Variants in ADRA1B observed in about 807,000 individuals in gnomAD.
The protein encoded by ADRA1B is adrenoceptor alpha 1B.
In ADRA1B, 17 loss-of-function variants were observed where a neutral mutation model predicts 17.9. The observed-to-expected ratio is 0.95, with a 90% CI of 0.65 to 1.42. ADRA1B has a LOEUF of 1.42. ADRA1B is among the 40% of genes most tolerant of loss of function. The pLI, the probability that ADRA1B is intolerant of heterozygous loss-of-function variation, is 0.00. For synonymous variants in ADRA1B, 366 were observed against 327.6 expected, an observed-to-expected ratio of 1.12 and a Z score of -1.27; for missense variants, 681 against 722.1, an observed-to-expected ratio of 0.94 and a Z score of 0.65.
intron 1 of ADRA1B, among the ~76,000 whole-genome samples, chr5:159,922,330 G>T (rs1309805518): frequency 6.6e-6 from 1 of 152,172 alleles, no homozygotes; most frequent in Non-Finnish European, 1.5e-5. Flanking sequence ...CTGGTCCAAG[G>T]TCACACATCA....
intron 1 of ADRA1B, among the ~76,000 whole-genome samples, chr5:159,866,675 A>T (rs1753657792): frequency 6.6e-6 from 1 of 152,038 alleles, no homozygotes; most frequent in African/African-American, 2.4e-5. Context: ...AAAAACCATT[A>T]TGTGCTTTTA....
At chr5:159,928,849 G>A (rs1476681591) in intron 1 of ADRA1B, among the ~76,000 whole-genome samples, 1 of 152,180 alleles carries the variant, frequency 6.6e-6, no homozygotes, top group Non-Finnish European at 1.5e-5. Flanking sequence ...GAGGCAGCTG[G>A]TTGGGGAGGA....
At chr5:159,983,665 C>T in the ADRA1B span, among the ~76,000 whole-genome samples, 1 of 152,100 alleles carries the variant, frequency 6.6e-6, no homozygotes, top group East Asian at 1.9e-4. Flanking sequence ...CCCAGGTCCT[C>T]CCAATCATCT....
intron 1 of ADRA1B, among the ~76,000 whole-genome samples, chr5:159,903,941 C>T (rs1009317807): frequency 6.6e-6 from 1 of 152,058 alleles, no homozygotes; most frequent in East Asian, 1.9e-4. Flanking sequence ...AGTCACCTGA[C>T]CTGTACACAC....
At chr5:159,954,348 A>C (rs1255288348) in intron 1 of ADRA1B, among the ~76,000 whole-genome samples, 1 of 152,186 alleles carries the variant, frequency 6.6e-6, no homozygotes, top group Non-Finnish European at 1.5e-5. Context: ...TTGTGGCCTT[A>C]CATGGGATAA....
intron 1 of ADRA1B, among the ~76,000 whole-genome samples, chr5:159,921,941 A>C (rs1754493431): frequency 6.6e-6 from 1 of 152,244 alleles, no homozygotes; most frequent in Non-Finnish European, 1.5e-5. Flanking sequence ...GCCCACAAAT[A>C]AATCAATTGG....
chr5:159,884,775 A>C (rs775771814), intron 1 of ADRA1B, among the ~76,000 whole-genome samples: 1 of 152,218 alleles, frequency 6.6e-6, no homozygotes. Context: ...AAATGTTCAG[A>C]TCTACCACCC....
chr5:159,954,070 C>A (rs1315656491), intron 1 of ADRA1B, among the ~76,000 whole-genome samples: 2 of 152,122 alleles, frequency 1.3e-5, no homozygotes, highest in Non-Finnish European at 2.9e-5. Context: ...TTTGGAACTC[C>A]TGGAGCAAAC....
Position 159,972,293 on chromosome 5 carries a change from G to A in ADRA1B, c.1364G>A (p.Ser455Asn). The A allele has an allele frequency of 2.1e-6, 3 of 1,415,324 alleles. No individual in the cohort carries two copies. Among genetic ancestry groups the A allele is most frequent in the South Asian group, 1.5e-5 (1 of 68,894 alleles). The allele number at this position is 1,415,324 out of a possible 1,614,324, so 87.7% of individuals were successfully genotyped here. A position where few individuals can be genotyped will look rare whatever the true frequency, so the allele number is the denominator to read the frequency against. The part of the protein sequence containing the change: ...PEWKAPGALL[S>N]LPAPEPPGRR... ...TGGAAGGCGCCCGGCGCCCTCCTGAGCCTGCCCGCGCCTGAGCCCCCCGGC... is the reference window on the plus strand; with the variant it reads ...TGGAAGGCGCCCGGCGCCCTCCTGAACCTGCCCGCGCCTGAGCCCCCCGGC... Residue 455 changes from serine to asparagine, a missense_variant, in exon 2 of 2, where the codon AGC (serine) becomes AAC (asparagine). Physicochemically the swap from Ser to Asn is conservative, Grantham distance 46 (BLOSUM62 1). This residue lies in a region of ADRA1B where 251 missense variants were observed against 224.9 expected (regional missense o/e 1.12). Transcript: ENST00000306675.
At chr5:159,959,655 G>C (rs1423854290) in intron 1 of ADRA1B, among the ~76,000 whole-genome samples, 2 of 152,144 alleles carry the variant, frequency 1.3e-5, no homozygotes, top group African/African-American at 4.8e-5. Flanking sequence ...TGCTTAACCA[G>C]TATTGTCAAG....
chr5:159,927,740 C>T (rs915048738), intron 1 of ADRA1B, among the ~76,000 whole-genome samples: 11 of 152,056 alleles, frequency 7.2e-5, no homozygotes, highest in Non-Finnish European at 1.5e-4. Flanking sequence ...TGTTTTAAAA[C>T]CTGGAATAAG....
intron 1 of ADRA1B, among the ~76,000 whole-genome samples, chr5:159,933,746 C>A (rs771108159): frequency 6.6e-6 from 1 of 152,240 alleles, no homozygotes. Context: ...ATCTTTCACA[C>A]GTGGTGGGCC....
Position 159,916,963 on chromosome 5 carries a change from T to C in ADRA1B, c.58T>C (p.Leu20=). The C allele has an allele frequency of 6.2e-7, 1 of 1,612,700 alleles. No homozygotes were observed. Among genetic ancestry groups the C allele is most frequent in the Non-Finnish European group, 8.5e-7 (1 of 1,179,636 alleles). Reference sequence around the variant, plus strand: ...ATCAGCACCTGCCCACTGGGGAGAGTTGAAAAATGCCAACTTCACTGGCCC... The same window carrying C: ...ATCAGCACCTGCCCACTGGGGAGAGCTGAAAAATGCCAACTTCACTGGCCC... The part of the protein sequence containing the change: ...NTSAPAHWGE[L]KNANFTGPNQ... Residue 20 remains leucine (L), a synonymous_variant, in exon 1 of 2, where the codon TTG becomes CTG. Coordinates refer to ENST00000306675, the MANE Select transcript of ADRA1B (RefSeq NM_000679.4).
At chr5:159,922,540 T>C (rs1490663273) in intron 1 of ADRA1B, among the ~76,000 whole-genome samples, 1 of 152,214 alleles carries the variant, frequency 6.6e-6, no homozygotes, top group African/African-American at 2.4e-5. Context: ...TTTCTTCCAC[T>C]GCCTGCTCAC....
At position 159,969,935 on chromosome 5, in the gene ADRA1B, T is replaced by TA. The variant is rs573102913; in HGVS notation, c.950-1934dup. Among the ~76,000 whole-genome samples, 568 of 149,178 alleles carry TA rather than the reference T, an allele frequency of 3.8e-3. 2 individuals are homozygous for TA. The highest frequency in any genetic ancestry group is 0.01 in the Middle Eastern group (3 of 288). ...CAGAGTATTATTAATTGCATTTTTT[T>TA]AAAAAAAAAACACATTTTTATTCAA... is the stretch of plus-strand genomic sequence containing the variant. On this transcript the variant is annotated intron_variant, in intron 1 of 1. Transcript: ENST00000306675.
chr5:159,984,123 TCTC>T, the ADRA1B span, among the ~76,000 whole-genome samples: 3 of 152,004 alleles, frequency 2.0e-5, no homozygotes, highest in Non-Finnish European at 2.9e-5. Context: ...TGGAGAAACT[TCTC>T]CTCTTCCCAA....
rs568602226 is a variant in ADRA1B at position 159,972,402 on chromosome 5, C to T, written c.1473C>T (p.Ala491=). The change falls in exon 2 of 2, where the codon GCC becomes GCT. Residue 491 remains alanine, a synonymous_variant. Transcript: ENST00000306675. ...AGAGCCCCGGGACCGACGGCGGCGC[C>T]AGCAACGGAGGCTGCGAGGCCGCGG... ...EPESPGTDGG[A]SNGGCEAAAD... 1.5e-4 allele frequency: 231 copies of T among 1,512,242 alleles called. No individual in the cohort carries two copies. The East Asian group carries it at 5.4e-3, about 36-fold the overall frequency. The allele number at this position is 1,512,242 out of a possible 1,614,324, so 93.7% of individuals were successfully genotyped here.
rs756589246 is a variant in ADRA1B at position 159,917,579 on chromosome 5, G to A, written c.674G>A (p.Arg225His). ...PLAVILVMYC[R>H]VYIVAKRTTK... ...GCGGTCATTCTAGTCATGTACTGCC[G>A]TGTCTATATAGTGGCCAAGAGAACC... The change falls in exon 1 of 2, where the codon CGT becomes CAT. Residue 225 changes from arginine (R) to histidine (H), a missense_variant. Arg to His is a conservative substitution (Grantham distance 29). Coordinates refer to ENST00000306675, the MANE Select transcript of ADRA1B (RefSeq NM_000679.4). The A allele has an allele frequency of 5.6e-6, 9 of 1,613,878 alleles. No homozygotes were observed. Among genetic ancestry groups the A allele is most frequent in the Admixed American group, 5.0e-5 (3 of 59,992 alleles).
chr5:159,985,973 T>C, the ADRA1B span, among the ~76,000 whole-genome samples: 1 of 152,186 alleles, frequency 6.6e-6, no homozygotes, highest in Non-Finnish European at 1.5e-5. Flanking sequence ...TCAGCAGCAG[T>C]GACTACTCTT....
Sources: gnomAD v4.1 joint callset for allele counts (sites outside exome capture counted in the v4.1 genomes callset) on GRCh38, gnomAD v4.1.1 for gene constraint, gnomAD v4.1.1 regional missense constraint, MANE v1.5 for transcripts, NCBI Gene and HGNC (gene_info 2026-07-23, HGNC 2026-07-21) for gene names.